Variants in SLC2A9 observed in about 807,000 individuals in gnomAD.
SLC2A9 encodes solute carrier family 2 member 9.
Under a neutral mutation model 50.6 loss-of-function variants are expected in SLC2A9, and 39 were observed. That is an observed-to-expected ratio of 0.77 (90% CI 0.60 to 1.01). The LOEUF (loss-of-function observed/expected upper bound fraction) is 1.01. SLC2A9 is among the 50% of genes least tolerant of loss of function. SLC2A9 has a pLI of 0.00. For missense variants in SLC2A9, 686 were observed against 677.6 expected (o/e 1.01, Z -0.14); for synonymous variants, 324 against 276.9 (o/e 1.17, Z -1.69).
rs1755578781 is a variant in SLC2A9 at position 9,980,667 on chromosome 4, C to A, written c.606G>T (p.Gly202=). ...ISPKEIRGSL[G]QVTAIFICIG... is the part of the protein sequence containing the mutation. The stretch of plus-strand genomic sequence containing the variant: ...TGCAGATAAAGATGGCAGTCACCTG[C>A]CCCAGAGAGCCACGGATCTCCTTGG... The change falls in exon 5 of 12, where the codon GGG becomes GGT. Residue 202 remains glycine, a synonymous_variant. Transcript: ENST00000264784. 1.2e-6 allele frequency: 2 copies of A among 1,614,064 alleles called. No homozygotes were observed. Among genetic ancestry groups the A allele is most frequent in the Admixed American group, 1.7e-5 (1 of 60,008 alleles).
intron 10 of SLC2A9, among the ~76,000 whole-genome samples, chr4:9,849,349 T>C (rs909513174): frequency 1.3e-5 from 2 of 152,170 alleles, no homozygotes; most frequent in Non-Finnish European, 2.9e-5. Flanking sequence ...GGAAGTTGTT[T>C]GTGAAAAGAA....
At chr4:9,822,012 C>T (rs1422630825), downstream of SLC2A9, among the ~76,000 whole-genome samples, 1 of 152,170 alleles carries the variant, frequency 6.6e-6, no homozygotes, top group Non-Finnish European at 1.5e-5. Flanking sequence ...AATTTACAGG[C>T]AGGGTTATTA....
At chr4:9,973,448 A>C (rs1199853854) in intron 5 of SLC2A9, among the ~76,000 whole-genome samples, 5 of 152,158 alleles carry the variant, frequency 3.3e-5, no homozygotes, top group Non-Finnish European at 7.4e-5. Flanking sequence ...CTTTGAAATC[A>C]GCATAACACC....
chr4:9,835,451 C>A (rs1322602644), intron 10 of SLC2A9, among the ~76,000 whole-genome samples: 2 of 127,282 alleles, frequency 1.6e-5, no homozygotes, highest in East Asian at 2.3e-4. Context: ...CACCACTCTG[C>A]CAATGAGATC....
At chr4:9,831,604 G>T (rs576935371) in intron 11 of SLC2A9, among the ~76,000 whole-genome samples, 1 of 152,174 alleles carries the variant, frequency 6.6e-6, no homozygotes, top group African/African-American at 2.4e-5. Flanking sequence ...TTGCGCTGCC[G>T]CCCAGAGAAA....
In SLC2A9 at chr4:9,911,338, G is replaced by A. The variant is rs575141744; in HGVS notation, c.1003-2993C>T. ...GCCAGTCTTAATCTGTTTGTGACAC[G>A]AAGCCACTGCCCTCCCCCTACATCA... On this transcript the variant is annotated intron_variant, in intron 7 of 11. Coordinates refer to ENST00000264784, the MANE Select transcript of SLC2A9 (RefSeq NM_020041.3). Among the ~76,000 whole-genome samples, 6 of 152,122 alleles carry A rather than the reference G, an allele frequency of 3.9e-5. No individual in the cohort carries two copies. In the South Asian group the frequency reaches 6.2e-4, roughly 16 times the overall value.
intron 3 of SLC2A9, among the ~76,000 whole-genome samples, chr4:9,812,438 G>A (rs1723010127): frequency 6.6e-6 from 1 of 151,264 alleles, no homozygotes; most frequent in Non-Finnish European, 1.5e-5. Flanking sequence ...GTCTTGTTGT[G>A]AAAACCAAAG....
At chr4:9,924,450 G>A (rs1243921521) in intron 6 of SLC2A9, among the ~76,000 whole-genome samples, 2 of 152,164 alleles carry the variant, frequency 1.3e-5, no homozygotes, top group African/African-American at 4.8e-5. Flanking sequence ...TGAGTCCTAC[G>A]CTGTCCCCCA....
At chr4:9,933,228 G>A (rs909913637) in intron 6 of SLC2A9, among the ~76,000 whole-genome samples, 6 of 152,162 alleles carry the variant, frequency 3.9e-5, no homozygotes, top group Non-Finnish European at 7.4e-5. Context: ...ACTCAGCCTC[G>A]GCAAAGAGGA....
At chr4:9,834,157 T>A (rs1726645322) in intron 11 of SLC2A9, among the ~76,000 whole-genome samples, 1 of 152,160 alleles carries the variant, frequency 6.6e-6, no homozygotes, top group South Asian at 2.1e-4. Flanking sequence ...GCTCCCTCAC[T>A]TCACTCAGGC....
At chr4:9,774,327 A>T (rs1717238058) in intron 1 of SLC2A9, among the ~76,000 whole-genome samples, 1 of 152,204 alleles carries the variant, frequency 6.6e-6, no homozygotes, top group Non-Finnish European at 1.5e-5. Flanking sequence ...TTTGGAAAGC[A>T]GGGAGAATGT....
intron 3 of SLC2A9, among the ~76,000 whole-genome samples, chr4:9,788,630 C>A (rs568208353): frequency 2.2e-4 from 34 of 152,236 alleles, no homozygotes; most frequent in African/African-American, 7.2e-4. Context: ...AGTCTAGGGG[C>A]AACACTCAGA....
intron 5 of SLC2A9, among the ~76,000 whole-genome samples, chr4:9,943,634 A>G (rs1748586699): frequency 6.6e-6 from 1 of 152,230 alleles, no homozygotes; most frequent in African/African-American, 2.4e-5. Context: ...GTATACTTTA[A>G]AAGGATGAAT....
intron 8 of SLC2A9, among the ~76,000 whole-genome samples, chr4:9,897,639 C>A (rs2109861148): frequency 6.6e-6 from 1 of 152,228 alleles, no homozygotes; most frequent in East Asian, 1.9e-4. Context: ...GTAATCCCAG[C>A]ACTTTGGGAG....
rs191072192 is a variant in SLC2A9 at position 9,890,622 on chromosome 4, C to A, written c.1203G>T (p.Thr401=). Residue 401 remains threonine (T), a synonymous_variant, in exon 9 of 12, where the codon ACG becomes ACT. Coordinates refer to ENST00000264784, the MANE Select transcript of SLC2A9 (RefSeq NM_020041.3). ...AACATCGTCTCACCTGCAGGGTCAG[C>A]GTGATGGTGAGGGTCCCAAAGAAGA... is the stretch of plus-strand genomic sequence containing the variant. ...MGLFFGTLTI[T]LTLQDHAPWV... 1.9e-6 allele frequency: 3 copies of A among 1,613,922 alleles called. No homozygotes were observed. In the African/African-American group the frequency reaches 4.0e-5, roughly 22 times the overall value.
rs374943825 is a variant in SLC2A9, at chr4:9,970,970, C to T, written c.681+9622G>A. On this transcript the variant is annotated intron_variant, in intron 5 of 11. Transcript: ENST00000264784. ...TTCTGTTCTGTTTCACTCTGACCAC[C>T]GGTACATGCAGCCCCCGTCATGTAC... Among the ~76,000 whole-genome samples the T allele has an allele frequency of 1.2e-4, 19 of 152,246 alleles. No homozygotes were observed. The South Asian group carries it at 3.3e-3, about 27-fold the overall frequency.
intron 10 of SLC2A9, among the ~76,000 whole-genome samples, chr4:9,872,234 A>G (rs56202030): frequency 0.13 from 19,208 of 152,050 alleles, 1,453 homozygotes; most frequent in African/African-American, 0.19. Flanking sequence ...GTCACAGCAA[A>G]ATTCCAAGAG....
At chr4:9,922,240 T>C (rs371971807) in intron 6 of SLC2A9, among the ~76,000 whole-genome samples, 13 of 152,184 alleles carry the variant, frequency 8.5e-5, no homozygotes, top group East Asian at 5.8e-4. Context: ...ACACCACATG[T>C]TCTCACTTAT....
intron 5 of SLC2A9, among the ~76,000 whole-genome samples, chr4:9,968,883 G>GT (rs1189693815): frequency 1.5e-4 from 23 of 152,078 alleles, no homozygotes; most frequent in Admixed American, 1.2e-3. Flanking sequence ...AAGGGTTAAA[G>GT]TTTTTTTAAT....
Sources: gnomAD v4.1 joint callset for allele counts (sites outside exome capture counted in the v4.1 genomes callset) on GRCh38, gnomAD v4.1.1 for gene constraint, MANE v1.5 for transcripts, NCBI Gene and HGNC (gene_info 2026-07-23, HGNC 2026-07-21) for gene names.